Variants in IFI27L1 observed in about 807,000 individuals in gnomAD.
IFI27L1 encodes interferon alpha-inducible protein 27-like protein 1.
A neutral mutation model predicts 9.2 loss-of-function variants in IFI27L1; 3 were observed. That is an observed-to-expected ratio of 0.32 (90% CI 0.15 to 0.84). The LOEUF (loss-of-function observed/expected upper bound fraction) is 0.84. Ranked by LOEUF, IFI27L1 falls within the 40% of genes least tolerant of loss-of-function variation. The pLI, the probability that IFI27L1 is intolerant of heterozygous loss-of-function variation, is 0.56. For synonymous variants in IFI27L1, 53 were observed against 50.0 expected (o/e 1.06, Z -0.26); for missense variants, 133 against 134.2 (o/e 0.99, Z 0.05).
chr14:94,092,769 G>A (rs754660911), intron 1 of IFI27L1, among the ~76,000 whole-genome samples: 1 of 152,184 alleles, frequency 6.6e-6, no homozygotes, highest in Non-Finnish European at 1.5e-5. Flanking sequence ...TAATTCTGAT[G>A]TGTTGTGGGA....
chr14:94,095,519 G>C (rs1232637272), intron 1 of IFI27L1, among the ~76,000 whole-genome samples: 1 of 152,144 alleles, frequency 6.6e-6, no homozygotes. Context: ...GGTTTATTTG[G>C]CATGGTTCTG....
Position 94,100,434 on chromosome 14 carries a change from C to A in IFI27L1, c.29-305C>A, listed in dbSNP as rs1007922980. ...GATGTTCCTGCCAGCCCTGAGAGCT[C>A]AACACAACTCAGGAGGCCCAGGCAT... On this transcript the variant is annotated intron_variant, in intron 2 of 4. Transcript: ENST00000555523. 11 of 985,274 alleles carry A rather than the reference C, an allele frequency of 1.1e-5. No homozygotes were observed. In the African/African-American group the frequency reaches 1.9e-4, roughly 17 times the overall value. The allele number at this position is 985,274 out of a possible 1,614,324, so 61.0% of individuals were successfully genotyped here. A position where few individuals can be genotyped will look rare whatever the true frequency, so the allele number is the denominator to read the frequency against.
chr14:94,087,933 C>T (rs998520), intron 1 of IFI27L1, among the ~76,000 whole-genome samples: 22,482 of 152,160 alleles, frequency 0.15, 2,097 homozygotes, highest in East Asian at 0.5. Context: ...GGTTAGAACA[C>T]GCCATACCCA....
intron 1 of IFI27L1, among the ~76,000 whole-genome samples, chr14:94,093,241 A>G (rs1886545934): frequency 3.0e-5 from 4 of 131,360 alleles, no homozygotes; most frequent in Admixed American, 1.7e-4. Flanking sequence ...ATCTCAGCTC[A>G]TTGCAAGCTC....
chr14:94,090,856 A>G lies in IFI27L1; in HGVS notation c.-51-6031A>G, dbSNP rs147959912. Among the ~76,000 whole-genome samples, 506 of 152,358 alleles carry G rather than the reference A, an allele frequency of 3.3e-3. 4 individuals are homozygous for G. In the Middle Eastern group the frequency reaches 0.058, roughly 17 times the overall value. ...TACTTATGCAGATAACTATATTGCC[A>G]TAAATTAAGAATATGCAGTTTCCAA... On this transcript the variant is annotated intron_variant, in intron 1 of 4. Coordinates refer to ENST00000555523, the MANE Select transcript of IFI27L1 (RefSeq NM_206949.3).
chr14:94,093,435 T>C (rs571435090), intron 1 of IFI27L1, among the ~76,000 whole-genome samples: 14 of 152,144 alleles, frequency 9.2e-5, no homozygotes, highest in Non-Finnish European at 1.9e-4. Flanking sequence ...CCTTCCAAAT[T>C]GTTGGGATTA....
chr14:94,084,324 A>G (rs1418517738), intron 1 of IFI27L1, among the ~76,000 whole-genome samples: 1 of 152,166 alleles, frequency 6.6e-6, no homozygotes, highest in Admixed American at 6.5e-5. Context: ...CGACATGGTG[A>G]AACCCCGTCT....
intron 1 of IFI27L1, among the ~76,000 whole-genome samples, chr14:94,088,499 C>CT (rs3064010): frequency 0.093 from 11,589 of 124,764 alleles, 660 homozygotes; most frequent in African/African-American, 0.12. Flanking sequence ...CTGGAACAAT[C>CT]TTTTTTTTTT....
Position 94,102,681 on chromosome 14 carries a change from C to A in IFI27L1, c.*113C>A. 1.8e-6 allele frequency: 1 copy of A among 562,104 alleles called. No individual in the cohort carries two copies. The highest frequency in any genetic ancestry group is 3.0e-6 in the Non-Finnish European group (1 of 330,730). 34.8% of individuals were successfully genotyped at this position (562,104 alleles called of 1,614,324 possible). A position where few individuals can be genotyped will look rare whatever the true frequency, so the allele number is the denominator to read the frequency against. The stretch of plus-strand genomic sequence containing the variant: ...CTACTCCCAAAACTATTTAAGGAAG[C>A]ATGAAAAATAAAGATGCTGGTTATC... On this transcript the variant is annotated 3_prime_UTR_variant, in exon 5 of 5. Coordinates refer to ENST00000555523, the MANE Select transcript of IFI27L1 (RefSeq NM_206949.3).
intron 1 of IFI27L1, among the ~76,000 whole-genome samples, chr14:94,094,013 G>A (rs1266196986): frequency 6.6e-6 from 1 of 152,076 alleles, no homozygotes; most frequent in Non-Finnish European, 1.5e-5. Flanking sequence ...CTAATGTCCT[G>A]GAAATGAGGC....
intron 2 of IFI27L1, among the ~76,000 whole-genome samples, chr14:94,097,840 G>A (rs1248343598): frequency 6.6e-6 from 1 of 152,184 alleles, no homozygotes; most frequent in African/African-American, 2.4e-5. Context: ...AAATGGGAGT[G>A]CACTTGGGTC....
chr14:94,086,349 C>CT (rs1240842889), intron 1 of IFI27L1, among the ~76,000 whole-genome samples: 2 of 152,152 alleles, frequency 1.3e-5, no homozygotes, highest in East Asian at 1.9e-4. Flanking sequence ...AGTTAAACCT[C>CT]TTTTTTAGAT....
At chr14:94,092,982 C>G (rs1886534409) in intron 1 of IFI27L1, among the ~76,000 whole-genome samples, 1 of 152,112 alleles carries the variant, frequency 6.6e-6, no homozygotes, top group Non-Finnish European at 1.5e-5. Context: ...CAGGCGCACA[C>G]CACCATGCCC....
At chr14:94,095,727 C>T (rs1464330385) in intron 1 of IFI27L1, among the ~76,000 whole-genome samples, 2 of 152,112 alleles carry the variant, frequency 1.3e-5, no homozygotes, top group East Asian at 3.9e-4. Flanking sequence ...TGTTCATTAC[C>T]ATGGGGAGGG....
At chr14:94,096,265 G>A (rs1317850260) in intron 1 of IFI27L1, among the ~76,000 whole-genome samples, 2 of 152,216 alleles carry the variant, frequency 1.3e-5, no homozygotes, top group East Asian at 3.8e-4. Context: ...TAAACACCAT[G>A]ACTTTTCCCT....
At chr14:94,091,489 A>G (rs909977733) in intron 1 of IFI27L1, among the ~76,000 whole-genome samples, 1 of 152,204 alleles carries the variant, frequency 6.6e-6, no homozygotes, top group East Asian at 1.9e-4. Context: ...TTCCTATATG[A>G]TTTTTATACC....
chr14:94,098,451 C>G (rs1886758494), intron 2 of IFI27L1, among the ~76,000 whole-genome samples: 1 of 152,188 alleles, frequency 6.6e-6, no homozygotes, highest in Admixed American at 6.5e-5. Context: ...AAGGGCCCAC[C>G]CTACTCCAGT....
intron 1 of IFI27L1, among the ~76,000 whole-genome samples, chr14:94,093,392 C>T (rs1177674608): frequency 2.0e-5 from 3 of 151,844 alleles, no homozygotes; most frequent in African/African-American, 2.4e-5. Flanking sequence ...AGGATGGTCT[C>T]GATCTCCTGA....
intron 3 of IFI27L1, 28 bp downstream of exon 3, chr14:94,100,799 C>T (rs1886866533): frequency 6.2e-7 from 1 of 1,611,594 alleles, no homozygotes. Flanking sequence ...GGAACTCAAG[C>T]CCCCATCCCC....
Sources: allele counts gnomAD v4.1 joint callset (sites outside exome capture counted in the v4.1 genomes callset), GRCh38; gene constraint gnomAD v4.1.1; transcripts MANE v1.5; gene names NCBI Gene and HGNC (gene_info 2026-07-23, HGNC 2026-07-21).